The following C1orf21 variants were observed in gnomAD, a reference collection of about 807,000 sequenced individuals.
C1orf21 encodes the protein chromosome 1 open reading frame 21.
Under a neutral mutation model 18.7 loss-of-function variants are expected in C1orf21, and 3 were observed. The observed-to-expected ratio is 0.16, with a 90% confidence interval of 0.07 to 0.42. C1orf21 has a LOEUF of 0.42. Among genes scored for constraint, C1orf21 ranks in the 10% least tolerant of loss-of-function variants. The pLI is 0.99. For missense variants in C1orf21, 104 were observed against 143.6 expected (o/e 0.72, Z 1.41); for synonymous variants, 41 against 46.4 (o/e 0.88, Z 0.47).
intron 1 of C1orf21, among the ~76,000 whole-genome samples, chr1:184,466,140 G>A (rs770052278): frequency 6.6e-6 from 1 of 152,168 alleles, no homozygotes; most frequent in Non-Finnish European, 1.5e-5. Flanking sequence ...TTCTGGTAAA[G>A]GTCATTTGTG....
At chr1:184,399,356 ATTTTT>A (rs59376994) in intron 1 of C1orf21, among the ~76,000 whole-genome samples, 1 of 79,076 alleles carries the variant, frequency 1.3e-5, no homozygotes, top group African/African-American at 4.4e-5. Context: ...ATGTACTTCT[ATTTTT>A]TTTTTTTTTT....
At chr1:184,393,685 T>C (rs1656007091) in intron 1 of C1orf21, among the ~76,000 whole-genome samples, 1 of 152,226 alleles carries the variant, frequency 6.6e-6, no homozygotes, top group Non-Finnish European at 1.5e-5. Flanking sequence ...TTGATGATTA[T>C]TGTTATTTTA....
intron 3 of C1orf21, among the ~76,000 whole-genome samples, chr1:184,538,307 T>G (rs528263274): frequency 6.6e-6 from 1 of 152,218 alleles, no homozygotes; most frequent in African/African-American, 2.4e-5. Context: ...ATCTTTCAAT[T>G]TAGTTGTTTG....
At chr1:184,575,543 A>G (rs1036915314) in intron 3 of C1orf21, among the ~76,000 whole-genome samples, 1 of 151,922 alleles carries the variant, frequency 6.6e-6, no homozygotes, top group Admixed American at 6.6e-5. Context: ...GAAGTAATAA[A>G]TGAAAACAAT....
rs148377021 is a variant in C1orf21 at position 184,492,582 on chromosome 1, A to C, written c.94+14979A>C. 2.8e-3 allele frequency among the ~76,000 whole-genome samples: 432 copies of C among 152,380 alleles called. 7 individuals are homozygous for C. Among genetic ancestry groups the C allele is most frequent in the African/African-American group, 9.5e-3 (395 of 41,584 alleles). On this transcript the variant is annotated intron_variant, in intron 2 of 5. Coordinates refer to ENST00000235307, the MANE Select transcript of C1orf21 (RefSeq NM_030806.4). ...TTACTTTTTCAATGAAAAATTAGAA[A>C]GAAGTATCACCAATATCTTCTGTAG... is the stretch of plus-strand genomic sequence containing the variant.
At chr1:184,463,614 A>C (rs977840038) in intron 1 of C1orf21, among the ~76,000 whole-genome samples, 2 of 152,244 alleles carry the variant, frequency 1.3e-5, no homozygotes, top group Admixed American at 1.3e-4. Flanking sequence ...AATCAAAGAC[A>C]TCAAAACCAT....
intron 1 of C1orf21, among the ~76,000 whole-genome samples, chr1:184,410,638 TATATATATATATATATATATATATA>T (rs1557964998): frequency 1.4e-3 from 6 of 4,158 alleles, no homozygotes; most frequent in Admixed American, 3.4e-3. Context: ...TATATATATA[TATATATATATATATATATATATATA>T]TTTTTTTTTT....
At chr1:184,394,450 C>A (rs941138928) in intron 1 of C1orf21, among the ~76,000 whole-genome samples, 1 of 152,172 alleles carries the variant, frequency 6.6e-6, no homozygotes, top group Non-Finnish European at 1.5e-5. Context: ...TCATACCCAT[C>A]ATCATAGATA....
chr1:184,472,845 C>G (rs1288115407), intron 1 of C1orf21, among the ~76,000 whole-genome samples: 2 of 152,184 alleles, frequency 1.3e-5, no homozygotes, highest in Non-Finnish European at 2.9e-5. Flanking sequence ...TATTCTGGAA[C>G]AGTAGTTTCC....
At position 184,387,179 on chromosome 1, in the gene C1orf21, G is replaced by A. The variant is rs192802155; in HGVS notation, c.-314G>A. On this transcript the variant is annotated 5_prime_UTR_variant, in exon 1 of 6. Coordinates refer to ENST00000235307, the MANE Select transcript of C1orf21 (RefSeq NM_030806.4). This position sits in a 1 kb window ranked among gnomAD's most constrained non-coding sequence, Gnocchi z 5.6. Reference sequence around the variant, plus strand: ...AGCTGGCCGCGCGCCGCCGCCTCCCGCACGCTTGCACGCGGGCCCGGCTTC... The same window carrying A: ...AGCTGGCCGCGCGCCGCCGCCTCCCACACGCTTGCACGCGGGCCCGGCTTC... 2.9e-3 allele frequency: 441 copies of A among 152,696 alleles called. 3 individuals carry two copies. Among genetic ancestry groups the A allele is most frequent in the Middle Eastern group, 6.7e-3 (2 of 300 alleles). 9.5% of individuals were successfully genotyped at this position (152,696 alleles called of 1,614,324 possible). A position where few individuals can be genotyped will look rare whatever the true frequency, so the allele number is the denominator to read the frequency against.
At chr1:184,497,427 G>A (rs1035612235) in intron 2 of C1orf21, among the ~76,000 whole-genome samples, 17 of 152,164 alleles carry the variant, frequency 1.1e-4, no homozygotes, top group South Asian at 8.3e-4. Context: ...AGGTACAGAC[G>A]GTCAGAAGGA....
intron 2 of C1orf21, among the ~76,000 whole-genome samples, chr1:184,494,440 A>G (rs535351518): frequency 1.8e-3 from 268 of 152,276 alleles, no homozygotes; most frequent in African/African-American, 6.1e-3. Context: ...GGAATAGACT[A>G]TAGGAAGAGA....
intron 2 of C1orf21, among the ~76,000 whole-genome samples, chr1:184,478,078 A>G (rs1657598953): frequency 6.6e-6 from 1 of 152,206 alleles, no homozygotes; most frequent in African/African-American, 2.4e-5. Flanking sequence ...AGGAGCTAGC[A>G]TTTAAATCAA....
At chr1:184,562,115 C>T (rs919849780) in intron 3 of C1orf21, among the ~76,000 whole-genome samples, 1 of 152,054 alleles carries the variant, frequency 6.6e-6, no homozygotes, top group Non-Finnish European at 1.5e-5. Context: ...TAAGAACAAA[C>T]TAAATGGTTC....
At chr1:184,550,077 A>T (rs1418882283) in intron 3 of C1orf21, among the ~76,000 whole-genome samples, 4 of 152,174 alleles carry the variant, frequency 2.6e-5, no homozygotes. Context: ...AGCATGTTTA[A>T]GGTAAGCTGG....
chr1:184,523,881 C>A (rs965041904), intron 3 of C1orf21, among the ~76,000 whole-genome samples: 1 of 152,056 alleles, frequency 6.6e-6, no homozygotes, highest in African/African-American at 2.4e-5. Flanking sequence ...TGAGGATAAA[C>A]CACTTTATGT....
chr1:184,540,214 T>C (rs769105069), intron 3 of C1orf21: 2 of 152,218 alleles, frequency 1.3e-5, no homozygotes, highest in Non-Finnish European at 2.9e-5. Flanking sequence ...TTTACCCAAA[T>C]ACTAAAAACT....
intron 3 of C1orf21, among the ~76,000 whole-genome samples, chr1:184,548,356 G>A (rs573182925): frequency 6.7e-6 from 1 of 148,690 alleles, no homozygotes; most frequent in African/African-American, 2.5e-5. Context: ...ACCCACCTCA[G>A]TGTTTCAGTG....
chr1:184,523,564 A>C (rs1297060454), intron 3 of C1orf21, among the ~76,000 whole-genome samples: 1 of 152,186 alleles, frequency 6.6e-6, no homozygotes, highest in Non-Finnish European at 1.5e-5. Context: ...CCTAGAACAG[A>C]AAAAGGACAC....
Sources: allele counts gnomAD v4.1 joint callset (sites outside exome capture counted in the v4.1 genomes callset), GRCh38; gene constraint gnomAD v4.1.1; non-coding constraint Gnocchi (gnomAD v3.1); transcripts MANE v1.5; gene names NCBI Gene and HGNC (gene_info 2026-07-23, HGNC 2026-07-21).